The following HLCS variants were observed in gnomAD, a reference collection of about 807,000 sequenced individuals.
HLCS encodes the protein biotin--protein ligase.
Under a neutral mutation model 75.0 loss-of-function variants are expected in HLCS, and 53 were observed. The ratio of observed to expected loss-of-function variants is 0.71; its 90% CI spans 0.57 to 0.89. The LOEUF (loss-of-function observed/expected upper bound fraction) is 0.89. Ranked by LOEUF, HLCS falls within the 40% of genes least tolerant of loss-of-function variation. HLCS has a pLI of 0.00. For synonymous variants in HLCS, 431 were observed against 428.6 expected (o/e 1.01, Z -0.07); for missense variants, 966 against 1,074.0 (o/e 0.90, Z 1.41).
intron 6 of HLCS, among the ~76,000 whole-genome samples, chr21:36,853,533 A>T (rs1306657879): frequency 1.3e-5 from 2 of 152,326 alleles, no homozygotes; most frequent in East Asian, 3.9e-4. Context: ...GTAGTATTAA[A>T]ATTAACCATT....
chr21:36,900,287 T>C (rs1204009874), intron 5 of HLCS, among the ~76,000 whole-genome samples: 3 of 152,146 alleles, frequency 2.0e-5, no homozygotes, highest in Admixed American at 6.5e-5. Context: ...AGGAAAGGCC[T>C]GGAGCAAGTG....
intron 6 of HLCS, among the ~76,000 whole-genome samples, chr21:36,788,418 A>C (rs915679838): frequency 5.3e-5 from 8 of 152,224 alleles, no homozygotes; most frequent in African/African-American, 1.9e-4. Flanking sequence ...ACTGTTACAC[A>C]CTGGCCCACG....
intron 5 of HLCS, among the ~76,000 whole-genome samples, chr21:36,928,027 C>G (rs2066480968): frequency 6.6e-6 from 1 of 152,032 alleles, no homozygotes; most frequent in South Asian, 2.1e-4. Flanking sequence ...AAACCAAATA[C>G]AAAGCACAAA....
chr21:36,787,181 C>T (rs951406015), intron 6 of HLCS, among the ~76,000 whole-genome samples: 1 of 152,256 alleles, frequency 6.6e-6, no homozygotes, highest in Non-Finnish European at 1.5e-5. Flanking sequence ...CTGTGGGTGT[C>T]GGTGTGCCTC....
At chr21:36,925,279 T>A (rs541907555) in intron 5 of HLCS, among the ~76,000 whole-genome samples, 4 of 152,312 alleles carry the variant, frequency 2.6e-5, no homozygotes, top group African/African-American at 9.6e-5. Flanking sequence ...AGCTACATCT[T>A]GATCCCAGCT....
At chr21:36,898,497 C>T (rs1410002878) in intron 5 of HLCS, among the ~76,000 whole-genome samples, 1 of 143,456 alleles carries the variant, frequency 7.0e-6, no homozygotes, top group Non-Finnish European at 1.5e-5. Flanking sequence ...AGAAGAAATC[C>T]AGGGGATAAA....
chr21:36,847,846 C>T lies in HLCS; in HGVS notation c.1892+49014G>A, dbSNP rs370836082. ...TAATTCTATTCCCCAAAGAGAACTG[C>T]CTTTCATGTATTCTGGCAAAATTCT... On this transcript the variant is annotated intron_variant, in intron 6 of 10. Transcript: ENST00000674895. Among the ~76,000 whole-genome samples the T allele has an allele frequency of 1.8e-4, 27 of 152,298 alleles. No individual in the cohort carries two copies. In the East Asian group the frequency reaches 3.1e-3, roughly 17 times the overall value.
chr21:36,930,510 C>A, intron 4 of HLCS, 77 bp from the exon 5 acceptor site: 2 of 1,036,540 alleles, frequency 1.9e-6, no homozygotes, highest in Non-Finnish European at 2.7e-6. Flanking sequence ...TTTTCTTTTT[C>A]TTTTTTTTTT....
intron 6 of HLCS, among the ~76,000 whole-genome samples, chr21:36,860,358 C>T (rs1232803034): frequency 6.6e-6 from 1 of 151,928 alleles, no homozygotes; most frequent in African/African-American, 2.4e-5. Flanking sequence ...GGAAGCCACA[C>T]CCCTCCAGGA....
chr21:36,946,550 C>T (rs1345889299), intron 2 of HLCS, among the ~76,000 whole-genome samples: 1 of 151,806 alleles, frequency 6.6e-6, no homozygotes, highest in Admixed American at 6.6e-5. Context: ...CCCCCCACAA[C>T]AAAATCTTAT....
intron 6 of HLCS, among the ~76,000 whole-genome samples, chr21:36,810,530 G>A (rs2061481756): frequency 1.3e-5 from 2 of 152,110 alleles, no homozygotes; most frequent in African/African-American, 2.4e-5. Flanking sequence ...TTGTCCCAAC[G>A]AGGTTCTCCC....
intron 5 of HLCS, among the ~76,000 whole-genome samples, chr21:36,902,126 A>G (rs2065260851): frequency 1.3e-5 from 2 of 152,148 alleles, no homozygotes; most frequent in African/African-American, 2.4e-5. Flanking sequence ...GGCGTGATGG[A>G]GGCCAAAGTC....
intron 6 of HLCS, among the ~76,000 whole-genome samples, chr21:36,895,417 G>A (rs762093449): frequency 2.7e-4 from 41 of 152,074 alleles, no homozygotes; most frequent in Admixed American, 8.5e-4. Context: ...GGATGTCAGG[G>A]GTGAGGTGGA....
chr21:36,838,804 G>A lies in HLCS; in HGVS notation c.1892+58056C>T, dbSNP rs1424969246. Among the ~76,000 whole-genome samples, 3 of 151,970 alleles carry A rather than the reference G, an allele frequency of 2.0e-5. No individual in the cohort carries two copies. In the South Asian group the frequency reaches 6.2e-4, roughly 32 times the overall value. On this transcript the variant is annotated intron_variant, in intron 6 of 10. Transcript: ENST00000674895. ...CGGGGGTAGAGATTGCAGTGAAATA[G>A]CCACAAGCCAAGGAATGCCTAAAGC... is the stretch of plus-strand genomic sequence containing the variant.
chr21:36,778,137 TTTTTTG>T (rs1238408655), intron 6 of HLCS, among the ~76,000 whole-genome samples: 8 of 151,608 alleles, frequency 5.3e-5, no homozygotes, highest in African/African-American at 1.9e-4. Flanking sequence ...CCCGGCTAAT[TTTTTTG>T]TATTTTTAGT....
At chr21:36,894,984 A>G (rs967826879) in intron 6 of HLCS, among the ~76,000 whole-genome samples, 1 of 152,040 alleles carries the variant, frequency 6.6e-6, no homozygotes, top group African/African-American at 2.4e-5. Flanking sequence ...CCCTCTGCGG[A>G]TGTGCGGGAG....
At position 36,871,720 on chromosome 21, in the gene HLCS, C is replaced by T. The variant is rs183949150; in HGVS notation, c.1892+25140G>A. On this transcript the variant is annotated intron_variant, in intron 6 of 10. Transcript: ENST00000674895. ...AAGTCACATACTGGGAGTTAATATT[C>T]GCAAAACATATATCTGAAAAAGGAC... Among the ~76,000 whole-genome samples, 277 of 152,018 alleles carry T rather than the reference C, an allele frequency of 1.8e-3. 2 individuals are homozygous for T. Among genetic ancestry groups the T allele is most frequent in the African/African-American group, 6.4e-3 (267 of 41,462 alleles).
Position 36,894,989 on chromosome 21 carries a change from C to T in HLCS, c.1892+1871G>A, listed in dbSNP as rs557700238. On this transcript the variant is annotated intron_variant, in intron 6 of 10. Coordinates refer to ENST00000674895, the MANE Select transcript of HLCS (RefSeq NM_001352514.2). ...TGAAGCCCAGCCCTCTGCGGATGTG[C>T]GGGAGCCTCAGCCTGTCCGCACTCT... 3.9e-5 allele frequency among the ~76,000 whole-genome samples: 6 copies of T among 152,172 alleles called. No homozygotes were observed. In the South Asian group the frequency reaches 8.3e-4, roughly 21 times the overall value.
At chr21:36,797,550 A>G (rs1452306517) in intron 6 of HLCS, among the ~76,000 whole-genome samples, 1 of 152,226 alleles carries the variant, frequency 6.6e-6, no homozygotes, top group Non-Finnish European at 1.5e-5. Context: ...CTAAGTTAAC[A>G]TCTTTGCAAA....
Sources: gnomAD v4.1 joint callset for allele counts (sites outside exome capture counted in the v4.1 genomes callset) on GRCh38, gnomAD v4.1.1 for gene constraint, MANE v1.5 for transcripts, NCBI Gene and HGNC (gene_info 2026-07-23, HGNC 2026-07-21) for gene names.